MAST4: variants seen among roughly 807,000 people sequenced by gnomAD.
MAST4 encodes the protein microtubule-associated serine/threonine-protein kinase 4.
In MAST4, 89 loss-of-function variants were observed where a neutral mutation model predicts 162.7. The observed-to-expected ratio is 0.55, with a 90% CI of 0.46 to 0.65. The LOEUF (loss-of-function observed/expected upper bound fraction) is 0.65, where lower values mean the gene tolerates loss of function less well. Ranked by LOEUF, MAST4 falls within the 30% of genes least tolerant of loss-of-function variation. MAST4 has a pLI of 0.00. For synonymous variants in MAST4, 1,479 were observed against 1,361.1 expected (o/e 1.09, Z -1.91); for missense variants, 3,153 against 3,374.0 (o/e 0.93, Z 1.62).
At chr5:66,917,976 C>T (rs1764230083) in intron 4 of MAST4, among the ~76,000 whole-genome samples, 1 of 151,964 alleles carries the variant, frequency 6.6e-6, no homozygotes, top group Admixed American at 6.6e-5. Flanking sequence ...ATACGTAGAA[C>T]CAAAAATTTA....
At position 67,165,186 on chromosome 5, in the gene MAST4, C is replaced by G; in HGVS notation, c.6007C>G (p.Pro2003Ala). ...CREPSMELCF[P>A]ETAKTSDNSK... The stretch of plus-strand genomic sequence containing the variant: ...AGAGCCCTCCATGGAACTGTGCTTT[C>G]CAGAAACTGCGAAAACCAGTGACAA... The change falls in exon 29 of 29, where the codon CCA (proline) becomes GCA (alanine). Residue 2003 changes from proline (P) to alanine (A), a missense_variant. Pro to Ala is a conservative substitution (Grantham distance 27, BLOSUM62 -1). Around this residue, in one of 7 missense-constraint regions of MAST4, gnomAD observed 1,644 missense variants for 1,495.0 expected, o/e 1.10. Transcript: ENST00000403625. 6.2e-7 allele frequency: 1 copy of G among 1,607,378 alleles called. No homozygotes were observed. Among genetic ancestry groups the G allele is most frequent in the Non-Finnish European group, 8.5e-7 (1 of 1,176,844 alleles).
At position 67,164,524 on chromosome 5, in the gene MAST4, G is replaced by A. The variant is rs114551553; in HGVS notation, c.5345G>A (p.Arg1782Lys). Residue 1782 changes from arginine (R) to lysine (K), a missense_variant, in exon 29 of 29, where the codon AGG becomes AAG. Arg to Lys is a conservative substitution (Grantham distance 26). Transcript: ENST00000403625. The surrounding 1 kb of genome is among the most constrained non-coding windows in gnomAD (Gnocchi z 5.3). ...PGLVAPESPV[R>K]KSPSEYKLEG... ...TTGGTTGCTCCTGAGTCCCCTGTTA[G>A]GAAGAGCCCCTCCGAGTATAAGCTG... is the stretch of plus-strand genomic sequence containing the variant. The A allele has an allele frequency of 4.0e-3, 6,380 of 1,614,000 alleles. 21 individuals carry two copies. Among genetic ancestry groups the A allele is most frequent in the Non-Finnish European group, 4.5e-3 (5,278 of 1,179,884 alleles).
chr5:66,908,528 C>G (rs13153154), intron 4 of MAST4, among the ~76,000 whole-genome samples: 1 of 151,848 alleles, frequency 6.6e-6, no homozygotes, highest in African/African-American at 2.4e-5. Flanking sequence ...CTTAGAGTTT[C>G]GGGGGGTGTG....
intron 3 of MAST4, among the ~76,000 whole-genome samples, chr5:66,850,199 T>G (rs958510643): frequency 1.3e-5 from 2 of 152,192 alleles, no homozygotes; most frequent in Admixed American, 1.3e-4. Context: ...CCGAGGTGCT[T>G]TAGAATTAGA....
chr5:66,784,695 C>T lies in MAST4; in HGVS notation c.518-3975C>T, dbSNP rs1235595237. On this transcript the variant is annotated intron_variant, in intron 2 of 28. Coordinates refer to ENST00000403625, the MANE Select transcript of MAST4 (RefSeq NM_001164664.2). ...GTGACCCGGCCTAAGAACCCAGTTA[C>T]CGTGTTTTATTCTGTTGCTGTGGTG... Among the ~76,000 whole-genome samples the T allele has an allele frequency of 2.6e-5, 4 of 152,210 alleles. No homozygotes were observed. In the East Asian group the frequency reaches 7.7e-4, roughly 29 times the overall value.
chr5:66,839,167 T>C (rs1389974509), intron 3 of MAST4, among the ~76,000 whole-genome samples: 1 of 152,146 alleles, frequency 6.6e-6, no homozygotes, highest in Non-Finnish European at 1.5e-5. Context: ...GGTGACCTTA[T>C]GGTTTCAGGA....
At chr5:66,630,883 A>G (rs924487787) in intron 1 of MAST4, among the ~76,000 whole-genome samples, 1 of 152,220 alleles carries the variant, frequency 6.6e-6, no homozygotes, top group Non-Finnish European at 1.5e-5. Context: ...TCACAGACAC[A>G]TGTGCTAGGC....
intron 1 of MAST4, among the ~76,000 whole-genome samples, chr5:66,615,517 A>G (rs967982815): frequency 6.6e-6 from 1 of 152,126 alleles, no homozygotes; most frequent in African/African-American, 2.4e-5. Flanking sequence ...AATGAGTTTG[A>G]TCTCAAGAGA....
At chr5:66,895,295 C>T (rs781708501) in intron 3 of MAST4, among the ~76,000 whole-genome samples, 1 of 152,094 alleles carries the variant, frequency 6.6e-6, no homozygotes, top group Non-Finnish European at 1.5e-5. Context: ...ATGGCGAAGT[C>T]CCTGTGGCTT....
At chr5:67,136,753 T>C in intron 19 of MAST4, 89 bp downstream of exon 19, 2 of 946,360 alleles carry the variant, frequency 2.1e-6, no homozygotes, top group Non-Finnish European at 3.3e-6. Flanking sequence ...GTTTTGCTTT[T>C]TGCATAGGCA....
Position 67,153,596 on chromosome 5 carries a change from T to C in MAST4, c.3648+16T>C. The C allele has an allele frequency of 5.1e-6, 8 of 1,560,318 alleles. No homozygotes were observed. The highest frequency in any genetic ancestry group is 1.2e-5 in the South Asian group (1 of 82,758). On this transcript the variant is annotated intron_variant, in intron 26 of 28. Coordinates refer to ENST00000403625, the MANE Select transcript of MAST4 (RefSeq NM_001164664.2). ...CCTACTGAAGGTATTGTATGTTTTA[T>C]GTCAGGGCCATGCTGATGAGACAGG...
intron 1 of MAST4, among the ~76,000 whole-genome samples, chr5:66,621,574 T>C (rs1385452500): frequency 6.6e-6 from 1 of 152,232 alleles, no homozygotes; most frequent in Non-Finnish European, 1.5e-5. Flanking sequence ...ACTTTGCTCT[T>C]ATGTTTTAGG....
At chr5:67,106,711 A>G (rs145729669) in intron 10 of MAST4, among the ~76,000 whole-genome samples, 6 of 152,280 alleles carry the variant, frequency 3.9e-5, no homozygotes, top group African/African-American at 1.4e-4. Context: ...AAACTATAAC[A>G]TGGCCTGTTG....
At chr5:66,883,422 G>T (rs1664932) in intron 3 of MAST4, among the ~76,000 whole-genome samples, 1,490 of 97,244 alleles carry the variant, frequency 0.015, 112 homozygotes, top group East Asian at 0.028. Flanking sequence ...TTCTGTCACT[G>T]TTTTTTTTTT....
chr5:66,963,733 C>T, intron 4 of MAST4: 3 of 779,832 alleles, frequency 3.8e-6, no homozygotes, highest in Non-Finnish European at 7.2e-6. Flanking sequence ...CTGAGTCCAA[C>T]CCCATCCAGC....
chr5:66,840,936 A>ATATGTTGTGG (rs1486732222), intron 3 of MAST4, among the ~76,000 whole-genome samples: 2 of 152,140 alleles, frequency 1.3e-5, no homozygotes, highest in African/African-American at 4.8e-5. Flanking sequence ...GGGGACAAGC[A>ATATGTTGTGG]TATGTTGTGG....
chr5:66,644,114 A>G (rs933967988), intron 1 of MAST4, among the ~76,000 whole-genome samples: 5 of 151,828 alleles, frequency 3.3e-5, no homozygotes, highest in South Asian at 2.1e-4. Flanking sequence ...CTGTTGGAGA[A>G]AAGTCCAGTT....
chr5:66,904,974 T>TG (rs1287417992), intron 4 of MAST4, among the ~76,000 whole-genome samples: 30 of 152,078 alleles, frequency 2.0e-4, no homozygotes, highest in African/African-American at 6.5e-4. Context: ...ATTGTTCCCA[T>TG]CTTTATGTCC....
intron 4 of MAST4, chr5:66,959,137 AGT>A: frequency 1.4e-6 from 1 of 731,930 alleles, no homozygotes; most frequent in Non-Finnish European, 2.6e-6. Flanking sequence ...CCCTCGAGAG[AGT>A]GTTAGTCCAG....
Sources: gnomAD v4.1 joint callset for allele counts (sites outside exome capture counted in the v4.1 genomes callset) on GRCh38, gnomAD v4.1.1 for gene constraint, gnomAD v4.1.1 regional missense constraint, Gnocchi (gnomAD v3.1) non-coding constraint, MANE v1.5 for transcripts, NCBI Gene and HGNC (gene_info 2026-07-23, HGNC 2026-07-21) for gene names.